The following MLLT6 variants were observed in gnomAD, a reference collection of about 807,000 sequenced individuals.
The protein encoded by MLLT6 is MLLT6, PHD finger containing, also known as protein AF-17.
A neutral mutation model predicts 103.0 loss-of-function variants in MLLT6; 22 were observed. That is an observed-to-expected ratio of 0.21 (90% confidence interval 0.15 to 0.31). The LOEUF is 0.31. MLLT6 is among the 10% of genes least tolerant of loss of function. MLLT6 has a pLI of 1.00. For missense variants in MLLT6, 1,199 were observed against 1,441.7 expected (o/e 0.83, Z 2.73); for synonymous variants, 606 against 623.5 (o/e 0.97, Z 0.42).
At chr17:38,725,032 G>A in intron 19 of MLLT6, 56 bp downstream of exon 19, 1 of 1,250,610 alleles carries the variant, frequency 8.0e-7, no homozygotes, top group Non-Finnish European at 1.1e-6. Context: ...GGTAGAGATG[G>A]ATTGTCAGAA....
intron 15 of MLLT6, 32 bp downstream of exon 15, chr17:38,720,601 G>A: frequency 6.2e-7 from 1 of 1,612,844 alleles, no homozygotes; most frequent in Non-Finnish European, 8.5e-7. Flanking sequence ...CGGGAGAGAG[G>A]CCCGTGCCCT....
In MLLT6 at chr17:38,705,478, G is replaced by A. The variant is rs1904860059; in HGVS notation, c.-155G>A. 1.1e-5 allele frequency: 5 copies of A among 467,862 alleles called. No homozygotes were observed. Among genetic ancestry groups the A allele is most frequent in the Non-Finnish European group, 1.9e-5 (5 of 260,780 alleles). 29.0% of individuals were successfully genotyped at this position (467,862 alleles called of 1,614,324 possible). ...GGAGGAGGAGGAGGACGCGGAGGAG[G>A]AGGAAGGAGGAGGCAAAGAAAAGAA... On this transcript the variant is annotated 5_prime_UTR_variant, in exon 1 of 20. Coordinates refer to ENST00000621332, the MANE Select transcript of MLLT6 (RefSeq NM_005937.4).
Position 38,715,532 on chromosome 17 carries a change from C to G in MLLT6, c.820-80C>G, listed in dbSNP as rs570678361. 1.8e-4 allele frequency: 275 copies of G among 1,487,674 alleles called. 4 individuals carry two copies. The South Asian group carries it at 3.7e-3, about 20-fold the overall frequency. The allele number at this position is 1,487,674 out of a possible 1,614,324, so 92.2% of individuals were successfully genotyped here. ...TCTCCCAGTTGAGCTAGGTCCTGTG[C>G]CCTCCTGCTTCACTCCCACATCAGG... On this transcript the variant is annotated intron_variant, in intron 8 of 19. Transcript: ENST00000621332.
intron 6 of MLLT6, among the ~76,000 whole-genome samples, chr17:38,710,332 C>T (rs904229949): frequency 3.3e-5 from 5 of 152,046 alleles, no homozygotes; most frequent in East Asian, 1.9e-4. Context: ...TGTGGAGAGA[C>T]GTGTGTCCCA....
At position 38,719,917 on chromosome 17, in the gene MLLT6, CGGGACG is replaced by C. The variant is rs1905601872; in HGVS notation, c.2155+23_2155+28del. 4.5e-6 allele frequency: 7 copies of C among 1,552,212 alleles called. No individual in the cohort carries two copies. The South Asian group carries it at 7.1e-5, about 16-fold the overall frequency. On this transcript the variant is annotated intron_variant, in intron 14 of 19. Transcript: ENST00000621332. ...AACAGTGAGGAGGGGTGGCGCCGGT[CGGGACG>C]CCTGCCCTAGGGCCCTAACAGTCAC...
intron 1 of MLLT6, 187 bp downstream of exon 1, chr17:38,705,928 T>G (rs1456368021): frequency 3.8e-6 from 1 of 264,060 alleles, no homozygotes; most frequent in East Asian, 7.3e-5. Context: ...ATTGTTTTCT[T>G]GCCTATTGTT....
At position 38,709,873 on chromosome 17, in the gene MLLT6, T is replaced by C. The variant is rs185939813; in HGVS notation, c.552+298T>C. Among the ~76,000 whole-genome samples, 1 of 152,312 alleles carries C rather than the reference T, an allele frequency of 6.6e-6. No individual in the cohort carries two copies. Among genetic ancestry groups the C allele is most frequent in the East Asian group, 1.9e-4 (1 of 5,184 alleles). On this transcript the variant is annotated intron_variant, in intron 6 of 19. Transcript: ENST00000621332. The surrounding 1 kb of genome is among the most constrained non-coding windows in gnomAD (Gnocchi z 4.3). ...AGCTGAGTGGAGGTGGAAATCAAAG[T>C]AAGAGCCAACATTTGTGTGGGAGGC...
rs1905768079 is a variant in MLLT6 at position 38,721,906 on chromosome 17, GCAGCTCGTCGCTGTCCTTCCA to G, written c.2476_2496del (p.Ser826_Ser832del). ...CCACACTCAGGCTGCCCGAGCCGCA[GCAGCTCGTCGCTGTCCTTCCA>G]CAGCACGCCCCCACCGCTGCCCCTC... On this transcript the variant is annotated inframe_deletion, in exon 17 of 20. Transcript: ENST00000621332. 6.3e-7 allele frequency: 1 copy of G among 1,576,242 alleles called. No individual in the cohort carries two copies. Among genetic ancestry groups the G allele is most frequent in the Admixed American group, 1.7e-5 (1 of 57,604 alleles).
chr17:38,710,114 C>T (rs922550026), intron 6 of MLLT6, among the ~76,000 whole-genome samples: 5 of 152,168 alleles, frequency 3.3e-5, no homozygotes, highest in Admixed American at 2.0e-4. Flanking sequence ...GCCTGCCAAA[C>T]AGAGAAACGA....
At chr17:38,719,320 T>TG in intron 12 of MLLT6, 197 bp from the exon 13 acceptor site, 1 of 593,748 alleles carries the variant, frequency 1.7e-6, no homozygotes, top group South Asian at 2.0e-5. Context: ...AGAGAGCAGA[T>TG]GCCCGGGGTT....
intron 1 of MLLT6, chr17:38,706,678 G>A (rs1255204340): frequency 2.9e-6 from 1 of 347,618 alleles, no homozygotes; most frequent in Non-Finnish European, 5.2e-6. Context: ...TGGGAAACAA[G>A]TCCAGAAAGG....
Position 38,728,671 on chromosome 17 carries a change from C to T in MLLT6, c.*3073C>T, listed in dbSNP as rs1906164870. 1 of 233,812 alleles carries T rather than the reference C, an allele frequency of 4.3e-6. No individual in the cohort carries two copies. Among genetic ancestry groups the T allele is most frequent in the African/African-American group, 2.2e-5 (1 of 45,354 alleles). The allele number at this position is 233,812 out of a possible 1,614,324, so 14.5% of individuals were successfully genotyped here. ...GACAGCTCCAAGCCTAGAAGGGGCT[C>T]AGTGACAGGGCCAGGACAAGCCCTC... On this transcript the variant is annotated 3_prime_UTR_variant, in exon 20 of 20. Transcript: ENST00000621332.
chr17:38,715,015 C>G (rs991951438), intron 8 of MLLT6, among the ~76,000 whole-genome samples: 3 of 152,158 alleles, frequency 2.0e-5, no homozygotes, highest in African/African-American at 7.2e-5. Context: ...AGAGGGACTT[C>G]CAAGCTGGAT....
intron 10 of MLLT6, 66 bp from the exon 11 acceptor site, chr17:38,717,366 A>G (rs1905400573): frequency 1.5e-6 from 2 of 1,354,714 alleles, no homozygotes; most frequent in African/African-American, 2.9e-5. Context: ...GCTGTCAGCC[A>G]CCTGGCTGAG....
intron 19 of MLLT6, 74 bp downstream of exon 19, chr17:38,725,050 C>A: frequency 1.8e-6 from 2 of 1,093,754 alleles, no homozygotes; most frequent in Non-Finnish European, 2.6e-6. Context: ...GAAGGCTTAT[C>A]ATCAGGTACC....
chr17:38,719,743 G>T lies in MLLT6; in HGVS notation c.2010-7G>T, dbSNP rs375074629. On this transcript the variant is annotated splice_region_variant and splice_polypyrimidine_tract_variant and intron_variant, in intron 13 of 19. Transcript: ENST00000621332. ...GTCGACTGAACCCAGGTTCCCTCTG[G>T]CCGCAGGTCCCCCATCAGCAGCCTC... The T allele has an allele frequency of 9.3e-6, 15 of 1,605,756 alleles. No individual in the cohort carries two copies. Among genetic ancestry groups the T allele is most frequent in the Non-Finnish European group, 1.3e-5 (15 of 1,174,588 alleles).
chr17:38,708,096 G>T (rs1423542978), intron 4 of MLLT6: 1 of 567,168 alleles, frequency 1.8e-6, no homozygotes, highest in African/African-American at 1.9e-5. Flanking sequence ...CTGCCAGAGG[G>T]TAGACCTTCG....
chr17:38,717,875 C>A lies in MLLT6; in HGVS notation c.1864C>A (p.Leu622Ile). 6.2e-7 allele frequency: 1 copy of A among 1,614,056 alleles called. No homozygotes were observed. Among genetic ancestry groups the A allele is most frequent in the East Asian group, 2.2e-5 (1 of 44,878 alleles). The change falls in exon 12 of 20, where the codon CTC (leucine) becomes ATC (isoleucine). Residue 622 changes from leucine (L) to isoleucine (I), a missense_variant. Leu to Ile is a conservative substitution (Grantham distance 5). Around this residue, in one of 7 missense-constraint regions of MLLT6, gnomAD observed 1,034 missense variants for 1,091.5 expected, o/e 0.95. Transcript: ENST00000621332. ...VFSLAGSTFSLPSTHIFGTPM... is the reference protein window; with the variant it reads ...VFSLAGSTFSIPSTHIFGTPM... Reference sequence around the variant, plus strand: ...TTCTCTGGCTGGCTCTACCTTTAGCCTCCCTTCTACCCACATCTTTGGAAC... The same window carrying A: ...TTCTCTGGCTGGCTCTACCTTTAGCATCCCTTCTACCCACATCTTTGGAAC...
At chr17:38,717,805 C>A in intron 11 of MLLT6, 40 bp from the exon 12 acceptor site, 1 of 1,532,296 alleles carries the variant, frequency 6.5e-7, no homozygotes, top group South Asian at 1.1e-5. Flanking sequence ...TGCTCTAGAT[C>A]CAAGAATAAC....
Sources: allele counts gnomAD v4.1 joint callset (sites outside exome capture counted in the v4.1 genomes callset), GRCh38; gene constraint gnomAD v4.1.1; regional missense constraint gnomAD v4.1.1; non-coding constraint Gnocchi (gnomAD v3.1); transcripts MANE v1.5; gene names NCBI Gene and HGNC (gene_info 2026-07-23, HGNC 2026-07-21).